KSR2: variants seen among roughly 807,000 people sequenced by gnomAD.
The protein encoded by KSR2 is kinase suppressor of ras 2.
KSR2 carries 25 observed loss-of-function variants against 107.8 expected under a neutral mutation model. The ratio of observed to expected loss-of-function variants is 0.23; its 90% CI spans 0.17 to 0.32. The LOEUF is 0.32. Among genes scored for constraint, KSR2 ranks in the 10% least tolerant of loss-of-function variants. The pLI, the probability that KSR2 is intolerant of heterozygous loss-of-function variation, is 1.00. For missense variants in KSR2, 887 were observed against 1,268.9 expected (o/e 0.70, Z 4.57); for synonymous variants, 480 against 507.0 (o/e 0.95, Z 0.71).
At chr12:117,663,480 T>A (rs918718957) in intron 5 of KSR2, among the ~76,000 whole-genome samples, 2 of 152,220 alleles carry the variant, frequency 1.3e-5, no homozygotes, top group Admixed American at 1.3e-4. Flanking sequence ...GTTTTCATCA[T>A]TGTTGCAAGC....
chr12:117,818,349 G>C (rs191225791), intron 3 of KSR2, among the ~76,000 whole-genome samples: 6 of 152,110 alleles, frequency 3.9e-5, no homozygotes, highest in Non-Finnish European at 7.4e-5. Flanking sequence ...GGACTCTGAG[G>C]GTTTGTGTGG....
chr12:117,642,593 A>C (rs1883427998), intron 5 of KSR2, among the ~76,000 whole-genome samples: 1 of 152,138 alleles, frequency 6.6e-6, no homozygotes, highest in Non-Finnish European at 1.5e-5. Context: ...AAAGGAGAAG[A>C]CTCAGACTCC....
chr12:117,470,410 C>T (rs570509660), intron 18 of KSR2, among the ~76,000 whole-genome samples: 6 of 152,118 alleles, frequency 3.9e-5, no homozygotes, highest in South Asian at 2.1e-4. Flanking sequence ...TCCATCCATC[C>T]GTTTACCATC....
intron 1 of KSR2, among the ~76,000 whole-genome samples, chr12:117,879,834 T>C (rs1362736001): frequency 1.3e-5 from 2 of 152,258 alleles, no homozygotes; most frequent in Non-Finnish European, 2.9e-5. Flanking sequence ...AATCTCCTTA[T>C]ACCTGATTGC....
At chr12:117,540,262 A>C (rs574991225) in intron 9 of KSR2, among the ~76,000 whole-genome samples, 4 of 152,200 alleles carry the variant, frequency 2.6e-5, no homozygotes, top group Non-Finnish European at 5.9e-5. Flanking sequence ...TGTTTATTAA[A>C]GAATCAACAG....
intron 4 of KSR2, among the ~76,000 whole-genome samples, chr12:117,684,857 G>A (rs1034525238): frequency 3.9e-5 from 6 of 152,112 alleles, no homozygotes; most frequent in Admixed American, 6.5e-5. Context: ...CAGTTCTGGC[G>A]GATTTCAAAG....
chr12:117,517,149 C>T (rs903643734), intron 14 of KSR2, among the ~76,000 whole-genome samples: 1 of 152,206 alleles, frequency 6.6e-6, no homozygotes, highest in Admixed American at 6.5e-5. Flanking sequence ...GGAGAAAAGC[C>T]ACCTACCATC....
At chr12:117,736,382 C>T (rs1371371403) in intron 4 of KSR2, among the ~76,000 whole-genome samples, 1 of 152,214 alleles carries the variant, frequency 6.6e-6, no homozygotes, top group Non-Finnish European at 1.5e-5. Context: ...CTGGCAAGAG[C>T]CTGCCCCATC....
intron 5 of KSR2, among the ~76,000 whole-genome samples, chr12:117,603,187 TAAG>T (rs1431153883): frequency 6.6e-6 from 1 of 150,842 alleles, no homozygotes; most frequent in Non-Finnish European, 1.5e-5. Flanking sequence ...AGAAATATGA[TAAG>T]AAATTTTTCA....
At chr12:117,500,306 T>C (rs1191400669) in intron 14 of KSR2, among the ~76,000 whole-genome samples, 1 of 152,210 alleles carries the variant, frequency 6.6e-6, no homozygotes, top group Non-Finnish European at 1.5e-5. Context: ...AACCCAGCTT[T>C]GTCTGAAGCT....
chr12:117,591,722 A>AT (rs1880331955), intron 5 of KSR2, among the ~76,000 whole-genome samples: 1 of 151,868 alleles, frequency 6.6e-6, no homozygotes, highest in East Asian at 1.9e-4. Flanking sequence ...AAAAAAAAAA[A>AT]AAATGATGCA....
chr12:117,874,274 C>G (rs1893756400), intron 1 of KSR2, among the ~76,000 whole-genome samples: 1 of 151,794 alleles, frequency 6.6e-6, no homozygotes, highest in Non-Finnish European at 1.5e-5. Flanking sequence ...GCTCTGTTGT[C>G]CAGGCTGGAG....
intron 5 of KSR2, among the ~76,000 whole-genome samples, chr12:117,595,451 G>A (rs908949343): frequency 2.4e-5 from 3 of 126,622 alleles, no homozygotes; most frequent in East Asian, 3.3e-4. Context: ...TGCAAGCTCC[G>A]CTTCCCGGGT....
chr12:117,656,983 T>G (rs1176140981), intron 5 of KSR2, among the ~76,000 whole-genome samples: 185 of 13,038 alleles, frequency 0.014, 1 homozygote, highest in African/African-American at 0.024. Context: ...TATAATAGGA[T>G]ATATATATAT....
At chr12:117,736,812 CAAAA>C (rs759133206) in intron 4 of KSR2, among the ~76,000 whole-genome samples, 1 of 80,258 alleles carries the variant, frequency 1.2e-5, no homozygotes, top group Admixed American at 1.3e-4. Context: ...GACCCTGTCT[CAAAA>C]AAAAAAAAAA....
At chr12:117,820,309 G>A (rs1346003164) in intron 3 of KSR2, among the ~76,000 whole-genome samples, 1 of 152,136 alleles carries the variant, frequency 6.6e-6, no homozygotes, top group African/African-American at 2.4e-5. Flanking sequence ...TTATTGACAG[G>A]AGGCGGGGGA....
At chr12:117,854,452 CACCCCA>C in intron 3 of KSR2, among the ~76,000 whole-genome samples, 1 of 152,348 alleles carries the variant, frequency 6.6e-6, no homozygotes, top group Non-Finnish European at 1.5e-5. Context: ...GCCCTGCTGG[CACCCCA>C]TAGCCACTCA....
intron 14 of KSR2, among the ~76,000 whole-genome samples, chr12:117,513,319 A>T (rs975545652): frequency 3.9e-5 from 6 of 152,202 alleles, no homozygotes; most frequent in African/African-American, 1.4e-4. Context: ...TCTATTTATT[A>T]TTTGATTTAT....
In KSR2 at chr12:117,792,360, AAG is replaced by A. The variant is rs201428371; in HGVS notation, c.473-30838_473-30837del. ...GTGAGACACTGTCTTTAAAAAAAAAAAGAAGAAGAAGAAGAATTGCAGTTCTG... is the reference window on the plus strand; with the variant it reads ...GTGAGACACTGTCTTTAAAAAAAAAAAAGAAGAAGAAGAATTGCAGTTCTG... On this transcript the variant is annotated intron_variant, in intron 3 of 19. Transcript: ENST00000339824. Among the ~76,000 whole-genome samples the A allele has an allele frequency of 9.5e-3, 1,408 of 148,180 alleles. 29 individuals are homozygous for A. Among genetic ancestry groups the A allele is most frequent in the African/African-American group, 0.033 (1,343 of 40,178 alleles).
Sources: allele counts gnomAD v4.1 joint callset (sites outside exome capture counted in the v4.1 genomes callset), GRCh38; gene constraint gnomAD v4.1.1; transcripts MANE v1.5; gene names NCBI Gene and HGNC (gene_info 2026-07-23, HGNC 2026-07-21).